The following GNA12 variants were observed in gnomAD, a reference collection of about 807,000 sequenced individuals.
The protein encoded by GNA12 is guanine nucleotide-binding protein subunit alpha-12.
In GNA12, 9 loss-of-function variants were observed where a neutral mutation model predicts 26.0. The observed-to-expected ratio is 0.35, with a 90% CI of 0.21 to 0.60. The LOEUF (loss-of-function observed/expected upper bound fraction) is 0.60. Ranked by LOEUF, GNA12 falls within the 20% of genes least tolerant of loss-of-function variation. The probability of loss-of-function intolerance (pLI) is 0.78; values close to 1 mark genes in which losing one functional copy is unlikely to be tolerated. For missense variants in GNA12, 405 were observed against 525.8 expected (o/e 0.77, Z 2.25); for synonymous variants, 264 against 219.6 (o/e 1.20, Z -1.79).
intron 1 of GNA12, among the ~76,000 whole-genome samples, chr7:2,823,699 A>T (rs1327060851): frequency 7.9e-6 from 1 of 126,800 alleles, no homozygotes; most frequent in South Asian, 2.2e-4. Flanking sequence ...TAGGCAAGCT[A>T]AAAAAAAAAT....
chr7:2,827,645 T>A (rs1647115088), intron 1 of GNA12, among the ~76,000 whole-genome samples: 1 of 152,106 alleles, frequency 6.6e-6, no homozygotes, highest in East Asian at 1.9e-4. Context: ...GACTCCTGAC[T>A]GCAGTGACAC....
intron 1 of GNA12, among the ~76,000 whole-genome samples, chr7:2,842,138 A>G (rs989364472): frequency 4.1e-5 from 6 of 145,538 alleles, no homozygotes; most frequent in Admixed American, 4.0e-4. Context: ...GAAAGGAAGG[A>G]AAGAAAAGAA....
chr7:2,785,579 C>A (rs748368377), intron 2 of GNA12, among the ~76,000 whole-genome samples: 1 of 152,226 alleles, frequency 6.6e-6, no homozygotes, highest in Non-Finnish European at 1.5e-5. Context: ...TCACTTATTT[C>A]TGACATTGTG....
chr7:2,767,950 G>A (rs968998536), intron 2 of GNA12, among the ~76,000 whole-genome samples: 8 of 152,210 alleles, frequency 5.3e-5, no homozygotes, highest in African/African-American at 1.7e-4. Flanking sequence ...CGCCTCCTGG[G>A]TTCAAGCAAT....
At chr7:2,739,598 G>C (rs1790396583) in intron 2 of GNA12, among the ~76,000 whole-genome samples, 1 of 152,214 alleles carries the variant, frequency 6.6e-6, no homozygotes, top group African/African-American at 2.4e-5. Context: ...ACAAACAGCT[G>C]TGTGGAAGTT....
chr7:2,735,949 C>G (rs1055566373), intron 2 of GNA12, among the ~76,000 whole-genome samples: 2 of 152,198 alleles, frequency 1.3e-5, no homozygotes. Context: ...CTGTCACTCA[C>G]ATCCGCACTC....
chr7:2,829,097 A>G (rs1303774112), intron 1 of GNA12, among the ~76,000 whole-genome samples: 2 of 152,026 alleles, frequency 1.3e-5, no homozygotes, highest in African/African-American at 4.8e-5. Flanking sequence ...AAGAAAAGAA[A>G]AAAGAAAATG....
chr7:2,811,276 G>C (rs1366895839), intron 1 of GNA12, among the ~76,000 whole-genome samples: 4 of 152,162 alleles, frequency 2.6e-5, no homozygotes, highest in African/African-American at 7.2e-5. Flanking sequence ...TGCACAACCA[G>C]AGCTCCCCGC....
chr7:2,751,587 T>A (rs1048685718), intron 2 of GNA12, among the ~76,000 whole-genome samples: 1 of 152,084 alleles, frequency 6.6e-6, no homozygotes, highest in African/African-American at 2.4e-5. Context: ...CAAGGCCAAA[T>A]GTTGGTTCTT....
intron 1 of GNA12, among the ~76,000 whole-genome samples, chr7:2,806,194 C>A (rs1299807065): frequency 6.6e-6 from 1 of 152,050 alleles, no homozygotes; most frequent in African/African-American, 2.4e-5. Context: ...AAGAATTTGT[C>A]TTGGTCGGGG....
At chr7:2,829,487 T>C (rs542392900) in intron 1 of GNA12, among the ~76,000 whole-genome samples, 14 of 152,370 alleles carry the variant, frequency 9.2e-5, no homozygotes, top group African/African-American at 3.4e-4. Flanking sequence ...CTGTCTCCGA[T>C]GCACCTATGA....
rs114234760 is a variant in GNA12, at chr7:2,818,933, G to C, written c.310-23790C>G. 4.8e-3 allele frequency among the ~76,000 whole-genome samples: 736 copies of C among 152,278 alleles called. 7 individuals are homozygous for C. The highest frequency in any genetic ancestry group is 0.016 in the African/African-American group (681 of 41,560). Reference sequence around the variant, plus strand: ...AAGGCAGGCCACAAGCCCGTGGCACGGGCAGAATTCTAAAGATGGCCGGGG... The same window carrying C: ...AAGGCAGGCCACAAGCCCGTGGCACCGGCAGAATTCTAAAGATGGCCGGGG... On this transcript the variant is annotated intron_variant, in intron 1 of 3. Transcript: ENST00000275364.
At chr7:2,735,931 C>T (rs2115302380) in intron 2 of GNA12, among the ~76,000 whole-genome samples, 1 of 152,242 alleles carries the variant, frequency 6.6e-6, no homozygotes, top group African/African-American at 2.4e-5. Flanking sequence ...CCTGTGTGAT[C>T]CAGAACGCTG....
intron 2 of GNA12, among the ~76,000 whole-genome samples, chr7:2,772,059 GCTTCAGGAATCT>G (rs1332081195): frequency 6.6e-6 from 1 of 152,158 alleles, no homozygotes; most frequent in African/African-American, 2.4e-5. Context: ...TGTGTTATTT[GCTTCAGGAATCT>G]CTTCTTTGTT....
In GNA12 at chr7:2,813,076, A is replaced by C. The variant is rs1793125922; in HGVS notation, c.310-17933T>G. On this transcript the variant is annotated intron_variant, in intron 1 of 3. Coordinates refer to ENST00000275364, the MANE Select transcript of GNA12 (RefSeq NM_007353.3). ...GAGTAGCTGGGAATTACCGGCATTCACCACCATACCCAGCTAATTTTATTT... is the reference window on the plus strand; with the variant it reads ...GAGTAGCTGGGAATTACCGGCATTCCCCACCATACCCAGCTAATTTTATTT... 2.6e-5 allele frequency among the ~76,000 whole-genome samples: 4 copies of C among 152,212 alleles called. No homozygotes were observed. In the South Asian group the frequency reaches 8.3e-4, roughly 32 times the overall value.
intron 2 of GNA12, among the ~76,000 whole-genome samples, chr7:2,750,161 A>C (rs1433851496): frequency 6.6e-6 from 1 of 152,200 alleles, no homozygotes; most frequent in African/African-American, 2.4e-5. Flanking sequence ...TGACATGTAA[A>C]GGGCCTGGAA....
intron 2 of GNA12, among the ~76,000 whole-genome samples, chr7:2,784,306 G>C (rs113417440): frequency 1.7e-3 from 259 of 152,184 alleles, no homozygotes; most frequent in African/African-American, 5.9e-3. Context: ...TTTTGGGAGA[G>C]AAGGGGTTTT....
chr7:2,820,756 G>C lies in GNA12; in HGVS notation c.309+23097C>G, dbSNP rs973905810. Among the ~76,000 whole-genome samples, 3 of 152,146 alleles carry C rather than the reference G, an allele frequency of 2.0e-5. No individual in the cohort carries two copies. In the South Asian group the frequency reaches 6.2e-4, roughly 32 times the overall value. On this transcript the variant is annotated intron_variant, in intron 1 of 3. Coordinates refer to ENST00000275364, the MANE Select transcript of GNA12 (RefSeq NM_007353.3). ...GTGTCTTTTAAAACTTTTTACTTTA[G>C]AGACAGGATCTCACTCTGTCACCCA...
chr7:2,836,693 G>A (rs1436767686), intron 1 of GNA12, among the ~76,000 whole-genome samples: 2 of 152,184 alleles, frequency 1.3e-5, no homozygotes, highest in African/African-American at 4.8e-5. Context: ...GGAGGCCGAG[G>A]CGGGTGGATC....
Sources: allele counts gnomAD v4.1 joint callset (sites outside exome capture counted in the v4.1 genomes callset), GRCh38; gene constraint gnomAD v4.1.1; transcripts MANE v1.5; gene names NCBI Gene and HGNC (gene_info 2026-07-23, HGNC 2026-07-21).